Variants in SCMH1 observed in about 807,000 individuals in gnomAD.
The protein encoded by SCMH1 is Scm polycomb group protein homolog 1, also known as polycomb protein SCMH1.
A neutral mutation model predicts 70.8 loss-of-function variants in SCMH1; 37 were observed. The ratio of observed to expected loss-of-function variants is 0.52; its 90% confidence interval spans 0.40 to 0.69. SCMH1 has a LOEUF of 0.69. SCMH1 is among the 30% of genes least tolerant of loss of function. SCMH1 has a pLI of 0.00. For synonymous variants in SCMH1, 292 were observed against 307.4 expected, an observed-to-expected ratio of 0.95 and a Z score of 0.52; for missense variants, 607 against 827.3, an observed-to-expected ratio of 0.73 and a Z score of 3.27.
chr1:41,094,048 A>G (rs1426502708), intron 8 of SCMH1, among the ~76,000 whole-genome samples: 1 of 152,224 alleles, frequency 6.6e-6, no homozygotes, highest in Non-Finnish European at 1.5e-5. Context: ...CAGCTCAATT[A>G]TACAAGCGTT....
At chr1:41,105,258 C>T (rs1234438883) in intron 8 of SCMH1, among the ~76,000 whole-genome samples, 1 of 152,120 alleles carries the variant, frequency 6.6e-6, no homozygotes, top group Non-Finnish European at 1.5e-5. Context: ...GCCACTGTGC[C>T]TGGCCTTAAA....
intron 10 of SCMH1, among the ~76,000 whole-genome samples, chr1:41,051,874 A>T (rs921441274): frequency 1.3e-5 from 2 of 152,212 alleles, no homozygotes; most frequent in African/African-American, 4.8e-5. Context: ...TACAGTGTTT[A>T]TAAAGTCCAC....
At chr1:41,072,435 G>A (rs149046250) in intron 9 of SCMH1, among the ~76,000 whole-genome samples, 4 of 152,318 alleles carry the variant, frequency 2.6e-5, no homozygotes, top group African/African-American at 9.6e-5. Context: ...TTACAGGTGA[G>A]AAAATGGGCT....
intron 8 of SCMH1, among the ~76,000 whole-genome samples, chr1:41,089,548 G>C (rs1008357418): frequency 6.6e-6 from 1 of 152,102 alleles, no homozygotes; most frequent in African/African-American, 2.4e-5. Context: ...CTTTTGAATG[G>C]TTTGTCTCTG....
rs534494562 is a variant in SCMH1, at chr1:41,217,740, A to G, written c.-118+24319T>C. On this transcript the variant is annotated intron_variant, in intron 1 of 14. Coordinates refer to ENST00000337495, the Ensembl canonical transcript of SCMH1. The stretch of plus-strand genomic sequence containing the variant: ...CGACTGGCTCTGAGGGCAAAGCCAC[A>G]GATGGAGAGGTCTGGGCCAATGAGA... 1.9e-3 allele frequency among the ~76,000 whole-genome samples: 290 copies of G among 152,334 alleles called. 2 individuals carry two copies. The highest frequency in any genetic ancestry group is 6.7e-3 in the African/African-American group (279 of 41,580).
At chr1:41,166,836 C>A (rs1441646256) in intron 2 of SCMH1, among the ~76,000 whole-genome samples, 1 of 152,028 alleles carries the variant, frequency 6.6e-6, no homozygotes, top group East Asian at 1.9e-4. Flanking sequence ...TCTTTTATTT[C>A]TTTTTCTTGC....
chr1:41,163,071 A>G, intron 2 of SCMH1: 1 of 152,404 alleles, frequency 6.6e-6, no homozygotes. Flanking sequence ...TGGGGAGCCC[A>G]GACCTGGGAG....
chr1:41,122,121 G>A (rs1672101493), intron 6 of SCMH1, among the ~76,000 whole-genome samples: 1 of 152,078 alleles, frequency 6.6e-6, no homozygotes, highest in African/African-American at 2.4e-5. Context: ...ATATAAATCA[G>A]GTCACATTAC....
intron 1 of SCMH1, among the ~76,000 whole-genome samples, chr1:41,221,077 T>A (rs903323188): frequency 6.6e-6 from 1 of 152,182 alleles, no homozygotes; most frequent in Non-Finnish European, 1.5e-5. Flanking sequence ...CAATACTAAA[T>A]GGTAACCATT....
chr1:41,141,463 T>C (rs1234587173), intron 6 of SCMH1, among the ~76,000 whole-genome samples: 1 of 152,156 alleles, frequency 6.6e-6, no homozygotes, highest in Non-Finnish European at 1.5e-5. Context: ...TATATTACAT[T>C]ATAAAACAAG....
intron 10 of SCMH1, among the ~76,000 whole-genome samples, chr1:41,062,158 A>T (rs568124554): frequency 1.5e-3 from 221 of 152,082 alleles, no homozygotes; most frequent in African/African-American, 4.8e-3. Flanking sequence ...GAGCCACCGC[A>T]CCCAGCCTGA....
chr1:41,092,818 A>G (rs1664015159), intron 8 of SCMH1, among the ~76,000 whole-genome samples: 1 of 152,162 alleles, frequency 6.6e-6, no homozygotes, highest in South Asian at 2.1e-4. Context: ...CAAAACCACA[A>G]TGAGATACCA....
intron 1 of SCMH1, among the ~76,000 whole-genome samples, chr1:41,205,773 G>A (rs1655393676): frequency 6.6e-6 from 1 of 152,212 alleles, no homozygotes; most frequent in African/African-American, 2.4e-5. Flanking sequence ...CCCAGTAGGG[G>A]CCGACTGACA....
At chr1:41,236,520 G>A (rs1184715862) in intron 1 of SCMH1, among the ~76,000 whole-genome samples, 1 of 152,172 alleles carries the variant, frequency 6.6e-6, no homozygotes, top group African/African-American at 2.4e-5. Context: ...GTCAAAATAA[G>A]AATAACAGTA....
chr1:41,128,839 T>A (rs886823948), intron 6 of SCMH1, among the ~76,000 whole-genome samples: 2 of 152,156 alleles, frequency 1.3e-5, no homozygotes, highest in Admixed American at 6.6e-5. Flanking sequence ...CTTTTTCAGT[T>A]CTTTTTCTCT....
chr1:41,142,481 G>C (rs912019615), intron 6 of SCMH1, among the ~76,000 whole-genome samples: 2 of 152,186 alleles, frequency 1.3e-5, no homozygotes, highest in Admixed American at 6.5e-5. Flanking sequence ...GGAGATAAGA[G>C]ATCCTTATAA....
At chr1:41,100,567 C>CTTTTTTTTTTTTTTT (rs72221588) in intron 8 of SCMH1, among the ~76,000 whole-genome samples, 3 of 122,494 alleles carry the variant, frequency 2.4e-5, no homozygotes, top group Non-Finnish European at 3.5e-5. Flanking sequence ...TTTTCTTTTT[C>CTTTTTTTTTTTTTTT]TTTTTTTTTT....
chr1:41,050,609 G>A (rs1647746272), intron 10 of SCMH1, among the ~76,000 whole-genome samples: 1 of 152,158 alleles, frequency 6.6e-6, no homozygotes. Context: ...TAAACAAGAT[G>A]AATTGAACGA....
chr1:41,164,077 G>C (rs566375131), intron 2 of SCMH1, among the ~76,000 whole-genome samples: 144 of 152,074 alleles, frequency 9.5e-4, no homozygotes, highest in African/African-American at 3.4e-3. Context: ...TTCTTGCCCA[G>C]CTCAGACTCC....
Sources: allele counts gnomAD v4.1 joint callset (sites outside exome capture counted in the v4.1 genomes callset), GRCh38; gene constraint gnomAD v4.1.1; transcripts MANE v1.5; gene names NCBI Gene and HGNC (gene_info 2026-07-23, HGNC 2026-07-21).